Variants in PNPLA5 observed in about 807,000 individuals in gnomAD.
PNPLA5 encodes the protein patatin like domain 5, triacylglycerol lipase.
A neutral mutation model predicts 49.1 loss-of-function variants in PNPLA5; 44 were observed. The observed-to-expected ratio is 0.90, with a 90% CI of 0.70 to 1.15. The LOEUF is 1.15. Among genes scored for constraint, PNPLA5 ranks in the 50% most tolerant of loss-of-function variants. The pLI, the probability that PNPLA5 is intolerant of heterozygous loss-of-function variation, is 0.00. For missense variants in PNPLA5, 603 were observed against 564.0 expected (o/e 1.07, Z -0.70); for synonymous variants, 243 against 244.4 (o/e 0.99, Z 0.06).
chr22:43,880,602 G>T lies in PNPLA5; in HGVS notation c.*193C>A. The T allele has an allele frequency of 2.3e-6, 1 of 440,636 alleles. No individual in the cohort carries two copies. Among genetic ancestry groups the T allele is most frequent in the Non-Finnish European group, 3.8e-6 (1 of 264,466 alleles). 27.3% of individuals were successfully genotyped at this position (440,636 alleles called of 1,614,324 possible). A position where few individuals can be genotyped will look rare whatever the true frequency, so the allele number is the denominator to read the frequency against. On this transcript the variant is annotated 3_prime_UTR_variant, in exon 9 of 9. Coordinates refer to ENST00000216177, the MANE Select transcript of PNPLA5 (RefSeq NM_138814.4). ...CCTGATGAGACGGGGCAAGAGGGAG[G>T]GCAGGTGACCTGGGTACACAGTGAC...
In PNPLA5 at chr22:43,889,566, G is replaced by A. The variant is rs779584296; in HGVS notation, c.493-28C>T. The A allele has an allele frequency of 9.6e-4, 1,506 of 1,575,182 alleles. 4 individuals carry two copies. The highest frequency in any genetic ancestry group is 1.2e-3 in the Non-Finnish European group (1,393 of 1,159,096). On this transcript the variant is annotated intron_variant, in intron 3 of 8. Transcript: ENST00000216177. ...GCAATTTGTGGGGAGCAGGTGGGTG[G>A]TGCTGCCCTCTCAGAGGGCCTCCCA...
At position 43,891,861 on chromosome 22, in the gene PNPLA5, T is replaced by A. The variant is rs946442705; in HGVS notation, c.20A>T (p.Glu7Val). Residue 7 changes from glutamate to valine, a missense_variant, in exon 1 of 9, where the codon GAG (glutamate) becomes GTG (valine). Physicochemically the swap from Glu to Val is moderately radical, Grantham distance 121. Coordinates refer to ENST00000216177, the MANE Select transcript of PNPLA5 (RefSeq NM_138814.4). ...GGAGAAGGACAGGTTCCATCTGCCC[T>A]CCTCCTCTAAGAAGCCCATGGCGGG... Reference protein sequence around the residue: MGFLEEEGRWNLSFSGA... With the variant: MGFLEEVGRWNLSFSGA... The A allele has an allele frequency of 4.0e-6, 6 of 1,517,846 alleles. No individual in the cohort carries two copies. The highest frequency in any genetic ancestry group is 5.3e-6 in the Non-Finnish European group (6 of 1,138,554). 94.0% of individuals were successfully genotyped at this position (1,517,846 alleles called of 1,614,324 possible).
At chr22:43,883,715 G>A (rs2049632674) in intron 7 of PNPLA5, among the ~76,000 whole-genome samples, 3 of 152,076 alleles carry the variant, frequency 2.0e-5, no homozygotes, top group Admixed American at 1.3e-4. Context: ...GGAGGCTGAG[G>A]CAGGAGAATC....
chr22:43,884,349 C>A lies in PNPLA5; in HGVS notation c.950-4G>T. ...CTCGTACATGCTTTCTTCAGTGCTG[C>A]AAGAGAAGCCCTGGCATGGCCCTGC... On this transcript the variant is annotated splice_region_variant and splice_polypyrimidine_tract_variant and intron_variant, in intron 6 of 8. Coordinates refer to ENST00000216177, the MANE Select transcript of PNPLA5 (RefSeq NM_138814.4). 6.4e-7 allele frequency: 1 copy of A among 1,553,876 alleles called. No individual in the cohort carries two copies.
chr22:43,882,408 G>A (rs907180939), intron 7 of PNPLA5, among the ~76,000 whole-genome samples: 2 of 152,204 alleles, frequency 1.3e-5, no homozygotes, highest in Non-Finnish European at 2.9e-5. Context: ...GCCACTGCAG[G>A]GCCTCAACCT....
In PNPLA5 at chr22:43,890,936, A is replaced by T. The variant is rs551778684; in HGVS notation, c.426+126T>A. On this transcript the variant is annotated intron_variant, in intron 2 of 8. Transcript: ENST00000216177. ...TGGGCCTCAGTTTCCTCACCTACAA[A>T]CAGGTCCACCCGCCCTCCCTCCTTC... The T allele has an allele frequency of 5.5e-6, 7 of 1,262,226 alleles. No individual in the cohort carries two copies. The South Asian group carries it at 1.0e-4, about 19-fold the overall frequency. 78.2% of individuals were successfully genotyped at this position (1,262,226 alleles called of 1,614,324 possible).
chr22:43,887,711 T>C, intron 4 of PNPLA5, 60 bp from the exon 5 acceptor site: 4 of 1,559,992 alleles, frequency 2.6e-6, no homozygotes, highest in African/African-American at 1.4e-5. Flanking sequence ...CTCGAGTGGA[T>C]GTCACAGGCC....
Position 43,880,819 on chromosome 22 carries a change from C to G in PNPLA5, c.1266G>C (p.Glu422Asp). The G allele has an allele frequency of 1.5e-6, 2 of 1,342,010 alleles. No individual in the cohort carries two copies. The highest frequency in any genetic ancestry group is 5.1e-5 in the South Asian group (2 of 39,050). 83.1% of individuals were successfully genotyped at this position (1,342,010 alleles called of 1,614,324 possible). A position where few individuals can be genotyped will look rare whatever the true frequency, so the allele number is the denominator to read the frequency against. Residue 422 changes from glutamate (E) to aspartate (D), a missense_variant, in exon 9 of 9, where the codon GAG (glutamate) becomes GAC (aspartate). Transcript: ENST00000216177. Reference protein sequence around the residue: ...LQPQIAPHREELGPTHQA With the variant: ...LQPQIAPHREDLGPTHQA ...CTCAGGCCTGGTGGGTGGGCCCGAG[C>G]TCCTCTCTATGAGGAGCTATCTGGG...
At position 43,881,680 on chromosome 22, in the gene PNPLA5, G is replaced by A; in HGVS notation, c.1083-6C>T. 1 of 1,613,388 alleles carries A rather than the reference G, an allele frequency of 6.2e-7. No homozygotes were observed. The highest frequency in any genetic ancestry group is 8.5e-7 in the Non-Finnish European group (1 of 1,179,740). ...CGGGCAGCCACACCACCAACCTGGA[G>A]GAAGGGGCAGGTCAGCTTTGCCCAG... On this transcript the variant is annotated splice_region_variant and splice_polypyrimidine_tract_variant and intron_variant, in intron 7 of 8. Coordinates refer to ENST00000216177, the MANE Select transcript of PNPLA5 (RefSeq NM_138814.4).
At position 43,891,263 on chromosome 22, in the gene PNPLA5, A is replaced by C; in HGVS notation, c.225T>G (p.Val75=). 6.4e-7 allele frequency: 1 copy of C among 1,557,550 alleles called. No homozygotes were observed. The highest frequency in any genetic ancestry group is 8.7e-7 in the Non-Finnish European group (1 of 1,150,758). ...DFCCSHLLGM[V]GQLERLSLSI... Reference sequence around the variant, plus strand: ...TTAGGCTCAGCCGCTCCAACTGCCCAACCATGCCCAGGAGGTGGGAGCAGC... The same window carrying C: ...TTAGGCTCAGCCGCTCCAACTGCCCCACCATGCCCAGGAGGTGGGAGCAGC... The change falls in exon 2 of 9, where the codon GTT becomes GTG. Residue 75 remains valine, a synonymous_variant. Coordinates refer to ENST00000216177, the MANE Select transcript of PNPLA5 (RefSeq NM_138814.4).
intron 6 of PNPLA5, among the ~76,000 whole-genome samples, chr22:43,885,058 G>C (rs1411088922): frequency 1.3e-5 from 2 of 152,250 alleles, no homozygotes; most frequent in African/African-American, 4.8e-5. Context: ...ATCCCAGCAG[G>C]ACATTCCTCC....
At chr22:43,890,919 A>G in intron 2 of PNPLA5, 143 bp downstream of exon 2, 1 of 1,094,838 alleles carries the variant, frequency 9.1e-7, no homozygotes, top group Non-Finnish European at 1.3e-6. Flanking sequence ...TCTGGGCCTC[A>G]GTTTCCTCAC....
intron 1 of PNPLA5, 100 bp downstream of exon 1, chr22:43,891,588 G>T: frequency 7.2e-7 from 1 of 1,388,586 alleles, no homozygotes; most frequent in South Asian, 1.5e-5. Flanking sequence ...GCCGGGGGTA[G>T]AGGGCGCAGA....
chr22:43,890,945 C>A lies in PNPLA5; in HGVS notation c.426+117G>T, dbSNP rs936854872. 8.2e-6 allele frequency: 11 copies of A among 1,342,740 alleles called. No homozygotes were observed. The African/African-American group carries it at 1.5e-4, about 18-fold the overall frequency. The allele number at this position is 1,342,740 out of a possible 1,614,324, so 83.2% of individuals were successfully genotyped here. On this transcript the variant is annotated intron_variant, in intron 2 of 8. Transcript: ENST00000216177. ...GTTTCCTCACCTACAAACAGGTCCA[C>A]CCGCCCTCCCTCCTTCCGCCCCTGC... is the stretch of plus-strand genomic sequence containing the variant.
chr22:43,888,809 C>A (rs2049693004), intron 4 of PNPLA5, among the ~76,000 whole-genome samples: 1 of 152,192 alleles, frequency 6.6e-6, no homozygotes, highest in Non-Finnish European at 1.5e-5. Context: ...ACGCTTCCTT[C>A]ATTTTTTTCT....
At chr22:43,887,445 G>C (rs2049677444) in intron 5 of PNPLA5, 146 bp downstream of exon 5, 1 of 955,414 alleles carries the variant, frequency 1.0e-6, no homozygotes, top group African/African-American at 1.6e-5. Context: ...TGAGTCCCCA[G>C]TACTCAGCTC....
At chr22:43,887,692 G>GA (rs1345021299) in intron 4 of PNPLA5, 41 bp from the exon 5 acceptor site, 1 of 1,576,224 alleles carries the variant, frequency 6.3e-7, no homozygotes, top group South Asian at 1.2e-5. Context: ...GCAAGGCCTG[G>GA]ACCTACCCCT....
intron 4 of PNPLA5, among the ~76,000 whole-genome samples, chr22:43,888,311 C>G (rs2049686299): frequency 6.7e-6 from 1 of 148,162 alleles, no homozygotes; most frequent in African/African-American, 2.5e-5. Context: ...TTAGAAAGCA[C>G]TACACAAACC....
At position 43,881,548 on chromosome 22, in the gene PNPLA5, C is replaced by A. The variant is rs757062068; in HGVS notation, c.1199+10G>T. On this transcript the variant is annotated intron_variant, in intron 8 of 8. Transcript: ENST00000216177. ...ACCCCCTCTCCATCCCTGCCCTCTG[C>A]CCACCTCACCTGATGGGCCCAAGGA... The A allele has an allele frequency of 1.9e-6, 3 of 1,573,702 alleles. No homozygotes were observed. Among genetic ancestry groups the A allele is most frequent in the Admixed American group, 1.9e-5 (1 of 53,814 alleles).
Sources: gnomAD v4.1 joint callset for allele counts (sites outside exome capture counted in the v4.1 genomes callset) on GRCh38, gnomAD v4.1.1 for gene constraint, MANE v1.5 for transcripts, NCBI Gene and HGNC (gene_info 2026-07-23, HGNC 2026-07-21) for gene names.